Variants in PGM2 observed in about 807,000 individuals in gnomAD.
PGM2 encodes phosphoglucomutase 2, also known as phosphopentomutase.
PGM2 carries 57 observed loss-of-function variants against 74.6 expected under a neutral mutation model. The observed-to-expected ratio is 0.76, with a 90% CI of 0.62 to 0.95. PGM2 has a LOEUF of 0.95. Among genes scored for constraint, PGM2 ranks in the 40% least tolerant of loss-of-function variants. The pLI, the probability that PGM2 is intolerant of heterozygous loss-of-function variation, is 0.00. For missense variants in PGM2, 706 were observed against 741.9 expected, an observed-to-expected ratio of 0.95 and a Z score of 0.56; for synonymous variants, 273 against 260.7, an observed-to-expected ratio of 1.05 and a Z score of -0.46.
chr4:37,841,100 A>ATATATATATATATGTGTG (rs1202149456), intron 6 of PGM2, among the ~76,000 whole-genome samples: 2 of 115,748 alleles, frequency 1.7e-5, no homozygotes, highest in African/African-American at 3.6e-5. Context: ...ATATATATAT[A>ATATATATATATATGTGTG]TGTGTGTGTG....
intron 12 of PGM2, among the ~76,000 whole-genome samples, chr4:37,853,607 C>G (rs1726111106): frequency 6.6e-6 from 1 of 151,980 alleles, no homozygotes; most frequent in South Asian, 2.1e-4. Flanking sequence ...TGTACATATG[C>G]AGATCAAATG....
intron 12 of PGM2, among the ~76,000 whole-genome samples, chr4:37,855,008 C>A (rs1726155968): frequency 6.6e-6 from 1 of 152,112 alleles, no homozygotes; most frequent in Non-Finnish European, 1.5e-5. Flanking sequence ...GAATGTGTTA[C>A]CTCACATATT....
chr4:37,850,201 C>G lies in PGM2; in HGVS notation c.1430C>G (p.Thr477Ser). ...AIYVEYGYHITKASYFICHDQ... is the reference protein window; with the variant it reads ...AIYVEYGYHISKASYFICHDQ... ...TTTGATAGGTATGGCTACCATATTACTAAAGCTTCCTATTTTATCTGCCAT... is the reference window on the plus strand; with the variant it reads ...TTTGATAGGTATGGCTACCATATTAGTAAAGCTTCCTATTTTATCTGCCAT... The change falls in exon 12 of 14, where the codon ACT becomes AGT. Residue 477 changes from threonine (T) to serine (S), a missense_variant. This residue lies in a region of PGM2 where 359 missense variants were observed against 371.1 expected (regional missense o/e 0.97). Coordinates refer to ENST00000381967, the MANE Select transcript of PGM2 (RefSeq NM_018290.4). The G allele has an allele frequency of 6.4e-7, 1 of 1,567,152 alleles. No homozygotes were observed. The highest frequency in any genetic ancestry group is 1.4e-5 in the African/African-American group (1 of 72,194).
At chr4:37,837,683 T>C (rs1725603933) in intron 4 of PGM2, 70 bp downstream of exon 4, 3 of 925,632 alleles carry the variant, frequency 3.2e-6, no homozygotes, top group Non-Finnish European at 5.4e-6. Context: ...AATTTTATAG[T>C]CTTTAGGGCT....
At chr4:37,836,455 C>A (rs1725568689) in intron 3 of PGM2, among the ~76,000 whole-genome samples, 1 of 152,182 alleles carries the variant, frequency 6.6e-6, no homozygotes, top group South Asian at 2.1e-4. Context: ...CTTTAATCTT[C>A]CAATTTTAAA....
At chr4:37,857,190 A>G (rs1053471983) in intron 13 of PGM2, among the ~76,000 whole-genome samples, 1 of 152,212 alleles carries the variant, frequency 6.6e-6, no homozygotes, top group Non-Finnish European at 1.5e-5. Flanking sequence ...TTAAAAATTT[A>G]GTTTCTCAGT....
chr4:37,834,242 G>C (rs530204347), intron 2 of PGM2, among the ~76,000 whole-genome samples: 1 of 151,884 alleles, frequency 6.6e-6, no homozygotes, highest in Admixed American at 6.6e-5. Flanking sequence ...GCTGAGGTAG[G>C]GGGGGATTGC....
chr4:37,838,864 T>G (rs1725632792), intron 4 of PGM2, among the ~76,000 whole-genome samples: 1 of 152,118 alleles, frequency 6.6e-6, no homozygotes, highest in Non-Finnish European at 1.5e-5. Flanking sequence ...ACCTGAGAGA[T>G]GTGACATAAC....
At chr4:37,842,983 C>A (rs12509391) in intron 6 of PGM2, among the ~76,000 whole-genome samples, 62 of 152,030 alleles carry the variant, frequency 4.1e-4, no homozygotes, top group African/African-American at 1.4e-3. Context: ...TTCATTTAAT[C>A]CTCAGAGTAA....
intron 6 of PGM2, among the ~76,000 whole-genome samples, chr4:37,840,999 T>C (rs151275389): frequency 1.7e-3 from 244 of 145,416 alleles, no homozygotes; most frequent in South Asian, 3.3e-3. Flanking sequence ...TTTTTAAAAC[T>C]TGCTCAAAAG....
Position 37,844,386 on chromosome 4 carries a change from G to A in PGM2, c.742G>A (p.Val248Met). 1.2e-6 allele frequency: 2 copies of A among 1,610,322 alleles called. No individual in the cohort carries two copies. Among genetic ancestry groups the A allele is most frequent in the Admixed American group, 1.7e-5 (1 of 59,220 alleles). Reference sequence around the variant, plus strand: ...TAGGAGCGTGAACAGGGAGACAAAGGTGAAGTTTGTGCACACCTCTGTCCA... The same window carrying A: ...TAGGAGCGTGAACAGGGAGACAAAGATGAAGTTTGTGCACACCTCTGTCCA... ...FHRSVNRETKVKFVHTSVHGV... is the reference protein window; with the variant it reads ...FHRSVNRETKMKFVHTSVHGV... The change falls in exon 7 of 14, where the codon GTG becomes ATG. Residue 248 changes from valine to methionine, a missense_variant. Physicochemically the swap from Val to Met is conservative, Grantham distance 21. Coordinates refer to ENST00000381967, the MANE Select transcript of PGM2 (RefSeq NM_018290.4).
In PGM2 at chr4:37,827,208, G is replaced by C. The variant is rs114284353; in HGVS notation, c.81+395G>C. Among the ~76,000 whole-genome samples, 1,115 of 152,302 alleles carry C rather than the reference G, an allele frequency of 7.3e-3. 13 individuals carry two copies. Among genetic ancestry groups the C allele is most frequent in the African/African-American group, 0.025 (1,058 of 41,562 alleles). Reference sequence around the variant, plus strand: ...TGTGCATCCCCATGGACCCAGAATCGCTCCGTCCCGCGTATTCCTTTGGCC... The same window carrying C: ...TGTGCATCCCCATGGACCCAGAATCCCTCCGTCCCGCGTATTCCTTTGGCC... On this transcript the variant is annotated intron_variant, in intron 1 of 13. Transcript: ENST00000381967.
chr4:37,832,803 G>A (rs1385423095), intron 2 of PGM2, among the ~76,000 whole-genome samples: 1 of 152,126 alleles, frequency 6.6e-6, no homozygotes, highest in Non-Finnish European at 1.5e-5. Flanking sequence ...ATTGGTCTTA[G>A]TTCTACTTTT....
Position 37,861,690 on chromosome 4 carries a change from C to A in PGM2, c.*78C>A. On this transcript the variant is annotated 3_prime_UTR_variant, in exon 14 of 14. Coordinates refer to ENST00000381967, the MANE Select transcript of PGM2 (RefSeq NM_018290.4). ...ACTTGTTAAGCAATATTTTTAAGGG[C>A]CAAATGATTCAAAACATCACAGGTA... The A allele has an allele frequency of 1.2e-6, 1 of 845,854 alleles. No homozygotes were observed. The highest frequency in any genetic ancestry group is 2.1e-6 in the Non-Finnish European group (1 of 486,474). The allele number at this position is 845,854 out of a possible 1,614,324, so 52.4% of individuals were successfully genotyped here.
At position 37,839,843 on chromosome 4, in the gene PGM2, TACAGCCCTTCACAGTATC is replaced by T. The variant is rs1725659117; in HGVS notation, c.442-1_458del. The T allele has an allele frequency of 1.3e-6, 2 of 1,536,354 alleles. No individual in the cohort carries two copies. The highest frequency in any genetic ancestry group is 2.7e-5 in the African/African-American group (2 of 73,298). ...TGTTTGTTCTTGTTTCCTGCTATGTTACAGCCCTTCACAGTATCACATTTGAAACTTTGTGCTGGAATC... is the reference window on the plus strand; with the variant it reads ...TGTTTGTTCTTGTTTCCTGCTATGTTACATTTGAAACTTTGTGCTGGAATC... On this transcript the variant is annotated splice_acceptor_variant and splice_polypyrimidine_tract_variant and coding_sequence_variant and intron_variant, in exon 5 of 14. Transcript: ENST00000381967. LOFTEE classifies it high-confidence loss of function.
At chr4:37,856,291 A>G (rs907684841) in intron 13 of PGM2, among the ~76,000 whole-genome samples, 1 of 152,160 alleles carries the variant, frequency 6.6e-6, no homozygotes, top group Non-Finnish European at 1.5e-5. Flanking sequence ...AGGCTGAGGC[A>G]GGAGAATGGT....
chr4:37,861,486 AT>A lies in PGM2; in HGVS notation c.1737-17del, dbSNP rs764697385. 6.7e-5 allele frequency: 102 copies of A among 1,517,012 alleles called. No individual in the cohort carries two copies. In the African/African-American group the frequency reaches 1.0e-3, roughly 15 times the overall value. 94.0% of individuals were successfully genotyped at this position (1,517,012 alleles called of 1,614,324 possible). ...GCTTTGGAATAATCCCTTGACCTGG[AT>A]TTTTTTCCCCCTTATTTTCCAGTGA... On this transcript the variant is annotated intron_variant, in intron 13 of 13. Coordinates refer to ENST00000381967, the MANE Select transcript of PGM2 (RefSeq NM_018290.4).
At position 37,850,246 on chromosome 4, in the gene PGM2, A is replaced by G; in HGVS notation, c.1475A>G (p.Lys492Arg). Residue 492 changes from lysine (K) to arginine (R), a missense_variant, in exon 12 of 14, where the codon AAA (lysine) becomes AGA (arginine). By Grantham distance (26) the Lys-to-Arg change is conservative. Transcript: ENST00000381967. ...TGCCATGATCAAGAAACCATTAAGA[A>G]ATTATTTGAAAACCTCAGAAACTAC... ...FICHDQETIK[K>R]LFENLRNYDG... is the part of the protein sequence containing the mutation. 6.3e-7 allele frequency: 1 copy of G among 1,584,266 alleles called. No homozygotes were observed.
chr4:37,849,893 T>A (rs1314105729), intron 11 of PGM2, among the ~76,000 whole-genome samples: 2 of 152,172 alleles, frequency 1.3e-5, no homozygotes, highest in African/African-American at 2.4e-5. Context: ...TTCAAGCGAT[T>A]CTCCTGCTGC....
Sources: allele counts gnomAD v4.1 joint callset (sites outside exome capture counted in the v4.1 genomes callset), GRCh38; gene constraint gnomAD v4.1.1; regional missense constraint gnomAD v4.1.1; transcripts MANE v1.5; gene names NCBI Gene and HGNC (gene_info 2026-07-23, HGNC 2026-07-21).